SAP130: variants seen among roughly 807,000 people sequenced by gnomAD.
SAP130 encodes the protein Sin3A associated protein 130.
In SAP130, 16 loss-of-function variants were observed where a neutral mutation model predicts 103.2. The ratio of observed to expected loss-of-function variants is 0.16; its 90% CI spans 0.10 to 0.24. The LOEUF (loss-of-function observed/expected upper bound fraction) is 0.24, where lower values mean the gene tolerates loss of function less well. Ranked by LOEUF, SAP130 falls within the 10% of genes least tolerant of loss-of-function variation. The pLI, the probability that SAP130 is intolerant of heterozygous loss-of-function variation, is 1.00. For missense variants in SAP130, 990 were observed against 1,359.7 expected, an observed-to-expected ratio of 0.73 and a Z score of 4.28; for synonymous variants, 477 against 497.0, an observed-to-expected ratio of 0.96 and a Z score of 0.53.
At chr2:128,022,324 G>A (rs1037476494) in intron 2 of SAP130, among the ~76,000 whole-genome samples, 4 of 152,138 alleles carry the variant, frequency 2.6e-5, no homozygotes, top group Admixed American at 6.5e-5. Context: ...TCCACTGCAC[G>A]GATGGACACA....
intron 18 of SAP130, 26 bp from the exon 19 acceptor site, chr2:127,945,585 A>G (rs1295633587): frequency 7.5e-7 from 1 of 1,331,980 alleles, no homozygotes; most frequent in Non-Finnish European, 1.1e-6. Flanking sequence ...ATAAAAATAC[A>G]TGTATTTCAG....
chr2:128,005,941 T>C (rs1683940480), intron 7 of SAP130, among the ~76,000 whole-genome samples: 1 of 152,158 alleles, frequency 6.6e-6, no homozygotes, highest in Admixed American at 6.5e-5. Context: ...ATGAATAGTT[T>C]TATGCTACAG....
intron 2 of SAP130, 108 bp from the exon 3 acceptor site, chr2:128,018,023 C>G (rs1684897199): frequency 1.1e-6 from 1 of 871,966 alleles, no homozygotes; most frequent in Admixed American, 2.7e-5. Flanking sequence ...GACAAAGTGG[C>G]CATTTCCTTG....
At chr2:127,975,217 T>C (rs910067855) in intron 15 of SAP130, among the ~76,000 whole-genome samples, 4 of 152,196 alleles carry the variant, frequency 2.6e-5, no homozygotes, top group Non-Finnish European at 4.4e-5. Context: ...AAGCATGTAG[T>C]TGTGTTGCTC....
At position 128,017,597 on chromosome 2, in the gene SAP130, GCC is replaced by G. The variant is rs2105213684; in HGVS notation, c.348+81_348+82del. The G allele has an allele frequency of 2.5e-5, 30 of 1,210,588 alleles. 1 individual carries two copies. The South Asian group carries it at 3.9e-4, about 16-fold the overall frequency. 75.0% of individuals were successfully genotyped at this position (1,210,588 alleles called of 1,614,324 possible). A position where few individuals can be genotyped will look rare whatever the true frequency, so the allele number is the denominator to read the frequency against. On this transcript the variant is annotated intron_variant, in intron 3 of 20. Transcript: ENST00000643581. Reference sequence around the variant, plus strand: ...AAATGAAATGTGATCCTAAGATACAGCCTAAGATTTTATACAAATTGTTACAA... The same window carrying G: ...AAATGAAATGTGATCCTAAGATACAGTAAGATTTTATACAAATTGTTACAA...
chr2:127,946,680 C>T lies in SAP130; in HGVS notation c.2798-1121G>A, dbSNP rs186816702. ...GGTGGATCACTTGAGGTCAGGAGTT[C>T]GAGACCAGCCTGGCCAACATGGTGA... On this transcript the variant is annotated intron_variant, in intron 18 of 20. Transcript: ENST00000643581. Among the ~76,000 whole-genome samples the T allele has an allele frequency of 5.9e-5, 9 of 151,582 alleles. No homozygotes were observed. In the East Asian group the frequency reaches 7.8e-4, roughly 13 times the overall value.
intron 7 of SAP130, among the ~76,000 whole-genome samples, chr2:128,009,639 T>C (rs1260567174): frequency 2.0e-5 from 3 of 152,276 alleles, no homozygotes; most frequent in South Asian, 2.1e-4. Context: ...TTCAGATCAT[T>C]GCATCGGTCT....
At chr2:127,972,170 A>C (rs1573701189) in intron 15 of SAP130, among the ~76,000 whole-genome samples, 1 of 152,352 alleles carries the variant, frequency 6.6e-6, no homozygotes, top group East Asian at 1.9e-4. Flanking sequence ...AAATCCAAGA[A>C]AGAGTCTAAA....
chr2:128,014,526 AG>A (rs756171361), intron 5 of SAP130, among the ~76,000 whole-genome samples: 12 of 152,168 alleles, frequency 7.9e-5, no homozygotes, highest in Non-Finnish European at 1.8e-4. Context: ...TTGTAGAGAC[AG>A]GGTTTCGCCA....
chr2:128,025,405 C>T (rs932604409), intron 2 of SAP130, among the ~76,000 whole-genome samples: 1 of 152,182 alleles, frequency 6.6e-6, no homozygotes, highest in African/African-American at 2.4e-5. Flanking sequence ...TAATTTCTAC[C>T]ACTCAAAGGG....
intron 18 of SAP130, among the ~76,000 whole-genome samples, chr2:127,945,859 C>T (rs1301791944): frequency 6.6e-6 from 1 of 152,112 alleles, no homozygotes; most frequent in African/African-American, 2.4e-5. Flanking sequence ...TGCTATGTTG[C>T]CCAGGTTGGT....
intron 16 of SAP130, among the ~76,000 whole-genome samples, chr2:127,950,683 A>G (rs1679436965): frequency 1.3e-5 from 2 of 152,172 alleles, no homozygotes; most frequent in African/African-American, 4.8e-5. Context: ...CCTCCATTAC[A>G]GGTGTGGTCA....
intron 15 of SAP130, among the ~76,000 whole-genome samples, chr2:127,957,503 C>T (rs1336377532): frequency 6.6e-6 from 1 of 151,912 alleles, no homozygotes; most frequent in East Asian, 1.9e-4. Context: ...AGGGAAACCC[C>T]AAAACTACAA....
At chr2:128,006,457 C>T (rs926897966) in intron 7 of SAP130, among the ~76,000 whole-genome samples, 2 of 152,154 alleles carry the variant, frequency 1.3e-5, no homozygotes, top group African/African-American at 2.4e-5. Context: ...ATTTATCTGG[C>T]CCCTTTGAAG....
At chr2:127,969,968 G>A (rs1326897422) in intron 15 of SAP130, among the ~76,000 whole-genome samples, 1 of 152,170 alleles carries the variant, frequency 6.6e-6, no homozygotes, top group Non-Finnish European at 1.5e-5. Context: ...AGTGGCTCAC[G>A]CCTGTAATAC....
chr2:127,978,870 A>C (rs908168907), intron 14 of SAP130, among the ~76,000 whole-genome samples: 2 of 152,234 alleles, frequency 1.3e-5, no homozygotes, highest in African/African-American at 4.8e-5. Context: ...TCAAACCTTC[A>C]GAGTCAAGTA....
intron 6 of SAP130, among the ~76,000 whole-genome samples, chr2:128,010,720 C>A (rs927991363): frequency 6.6e-6 from 1 of 151,796 alleles, no homozygotes; most frequent in Non-Finnish European, 1.5e-5. Flanking sequence ...AAAAATTAGC[C>A]GGGTGTGGTG....
chr2:128,027,621 G>A (rs1288628619), intron 1 of SAP130, among the ~76,000 whole-genome samples: 7 of 146,420 alleles, frequency 4.8e-5, no homozygotes, highest in African/African-American at 1.5e-4. Context: ...TCCCTGGGCC[G>A]GCCGCCCGCC....
At chr2:127,988,692 A>G (rs1008719166) in intron 13 of SAP130, among the ~76,000 whole-genome samples, 4 of 152,082 alleles carry the variant, frequency 2.6e-5, no homozygotes, top group African/African-American at 9.7e-5. Context: ...TCTATTAAAA[A>G]TACAAAAATT....
Sources: allele counts gnomAD v4.1 joint callset (sites outside exome capture counted in the v4.1 genomes callset), GRCh38; gene constraint gnomAD v4.1.1; transcripts MANE v1.5; gene names NCBI Gene and HGNC (gene_info 2026-07-23, HGNC 2026-07-21).